Variants in MSRB3 observed in about 807,000 individuals in gnomAD.
MSRB3 encodes methionine-R-sulfoxide reductase B3.
Under a neutral mutation model 21.0 loss-of-function variants are expected in MSRB3, and 13 were observed. The observed-to-expected ratio is 0.62, with a 90% CI of 0.40 to 0.98. The LOEUF is 0.98. Ranked by LOEUF, MSRB3 falls within the 50% of genes least tolerant of loss-of-function variation. The probability of loss-of-function intolerance (pLI) is 0.00; values close to 1 mark genes in which losing one functional copy is unlikely to be tolerated. For missense variants in MSRB3, 199 were observed against 230.3 expected, an observed-to-expected ratio of 0.86 and a Z score of 0.88; for synonymous variants, 87 against 88.6, an observed-to-expected ratio of 0.98 and a Z score of 0.10.
intron 1 of MSRB3, among the ~76,000 whole-genome samples, chr12:65,280,366 A>G (rs1007331374): frequency 5.3e-5 from 8 of 152,190 alleles, no homozygotes; most frequent in Non-Finnish European, 8.8e-5. Flanking sequence ...ACATTTTTCA[A>G]TGGATTTCTA....
At position 65,357,159 on chromosome 12, in the gene MSRB3, G is replaced by A. The variant is rs556394311; in HGVS notation, c.264-11839G>A. Among the ~76,000 whole-genome samples, 13 of 151,756 alleles carry A rather than the reference G, an allele frequency of 8.6e-5. No individual in the cohort carries two copies. The South Asian group carries it at 1.7e-3, about 19-fold the overall frequency. On this transcript the variant is annotated intron_variant, in intron 4 of 6. Transcript: ENST00000308259. ...ACTACTCATTATCCACCCAGTTACC[G>A]GAGCAAAAAGCCTAGCAGTCATCTT...
In MSRB3 at chr12:65,368,962, GT is replaced by G. The variant is rs1441885071; in HGVS notation, c.264-31del. The G allele has an allele frequency of 4.0e-6, 4 of 1,005,590 alleles. No homozygotes were observed. In the East Asian group the frequency reaches 1.1e-4, roughly 28 times the overall value. The allele number at this position is 1,005,590 out of a possible 1,614,324, so 62.3% of individuals were successfully genotyped here. A position where few individuals can be genotyped will look rare whatever the true frequency, so the allele number is the denominator to read the frequency against. ...TGAAATAATTGTTCTTTTACAAACA[GT>G]TTTTATATTGTAAAAACTTTCTTTC... On this transcript the variant is annotated intron_variant, in intron 4 of 6. Coordinates refer to ENST00000308259, the MANE Select transcript of MSRB3 (RefSeq NM_001031679.3).
chr12:65,349,269 T>C (rs1876762687), intron 4 of MSRB3, among the ~76,000 whole-genome samples: 1 of 152,034 alleles, frequency 6.6e-6, no homozygotes, highest in Admixed American at 6.6e-5. Flanking sequence ...TAGTATTCCA[T>C]GGTGTATATG....
chr12:65,314,421 A>G (rs1170681426), intron 2 of MSRB3, among the ~76,000 whole-genome samples: 1 of 152,142 alleles, frequency 6.6e-6, no homozygotes, highest in East Asian at 1.9e-4. Context: ...TATATTTAAA[A>G]TGTTGATTAA....
In MSRB3 at chr12:65,366,694, A is replaced by G. The variant is rs1417098072; in HGVS notation, c.264-2304A>G. On this transcript the variant is annotated intron_variant, in intron 4 of 6. Coordinates refer to ENST00000308259, the MANE Select transcript of MSRB3 (RefSeq NM_001031679.3). Reference sequence around the variant, plus strand: ...CATCATTTTTGATGAGTGCCATTTAAGGCCACAGTGTGACATTCAGGTAGT... The same window carrying G: ...CATCATTTTTGATGAGTGCCATTTAGGGCCACAGTGTGACATTCAGGTAGT... Among the ~76,000 whole-genome samples the G allele has an allele frequency of 6.6e-5, 10 of 152,232 alleles. 1 individual carries two copies. The highest frequency in any genetic ancestry group is 6.5e-4 in the Admixed American group (10 of 15,290).
chr12:65,352,166 A>G (rs1877050035), intron 4 of MSRB3, among the ~76,000 whole-genome samples: 1 of 152,230 alleles, frequency 6.6e-6, no homozygotes, highest in South Asian at 2.1e-4. Flanking sequence ...AATATATGCA[A>G]ATCAATAAAT....
intron 5 of MSRB3, among the ~76,000 whole-genome samples, chr12:65,381,791 A>G (rs571957161): frequency 5.3e-5 from 8 of 152,060 alleles, no homozygotes; most frequent in Admixed American, 3.3e-4. Context: ...AATTTTGAAT[A>G]TCTATGTTTT....
At chr12:65,433,041 C>A (rs1352227033) in intron 5 of MSRB3, among the ~76,000 whole-genome samples, 1 of 151,796 alleles carries the variant, frequency 6.6e-6, no homozygotes, top group African/African-American at 2.4e-5. Flanking sequence ...AAATGGTACA[C>A]TTAATGTGAA....
intron 5 of MSRB3, among the ~76,000 whole-genome samples, chr12:65,394,630 G>A (rs896591425): frequency 2.6e-5 from 4 of 152,136 alleles, no homozygotes; most frequent in Non-Finnish European, 2.9e-5. Flanking sequence ...TCCAGACAAC[G>A]ATCACAAGGA....
At chr12:65,356,474 T>C (rs1027503883) in intron 4 of MSRB3, among the ~76,000 whole-genome samples, 2 of 151,838 alleles carry the variant, frequency 1.3e-5, no homozygotes, top group African/African-American at 4.8e-5. Context: ...AAAAAAAATT[T>C]ATTCCCATAG....
chr12:65,434,305 C>A (rs895166697), intron 5 of MSRB3, among the ~76,000 whole-genome samples: 1 of 151,860 alleles, frequency 6.6e-6, no homozygotes, highest in Non-Finnish European at 1.5e-5. Flanking sequence ...GTGTCTGTCT[C>A]CTATAGGATT....
At chr12:65,340,781 C>T (rs906861184) in intron 4 of MSRB3, among the ~76,000 whole-genome samples, 14 of 151,370 alleles carry the variant, frequency 9.2e-5, no homozygotes, top group Non-Finnish European at 1.5e-5. Context: ...ACTATTTTAA[C>T]GTAAGAGAAT....
chr12:65,397,126 C>G (rs1879862602), intron 5 of MSRB3, among the ~76,000 whole-genome samples: 1 of 152,098 alleles, frequency 6.6e-6, no homozygotes, highest in African/African-American at 2.4e-5. Context: ...CCCTCTTATC[C>G]CTGATAATTT....
chr12:65,447,978 T>A (rs1882696261), intron 5 of MSRB3, among the ~76,000 whole-genome samples: 1 of 152,206 alleles, frequency 6.6e-6, no homozygotes, highest in Non-Finnish European at 1.5e-5. Flanking sequence ...CAAGTGTTGC[T>A]GTATAAAAAA....
intron 3 of MSRB3, among the ~76,000 whole-genome samples, chr12:65,327,472 G>A (rs1875125037): frequency 6.6e-6 from 1 of 152,174 alleles, no homozygotes; most frequent in Non-Finnish European, 1.5e-5. Context: ...CATGGCTTTG[G>A]TCCTTGGAAG....
rs1448070997 is a variant in MSRB3 at position 65,463,581 on chromosome 12, A to C, written c.*259A>C. Reference sequence around the variant, plus strand: ...TCACAAGCCACTTATACCCTTTGGCATTCTTTTCTTTGAGCACATGGCTTC... The same window carrying C: ...TCACAAGCCACTTATACCCTTTGGCCTTCTTTTCTTTGAGCACATGGCTTC... On this transcript the variant is annotated 3_prime_UTR_variant, in exon 7 of 7. Transcript: ENST00000308259. The C allele has an allele frequency of 2.2e-6, 1 of 452,404 alleles. No homozygotes were observed. The highest frequency in any genetic ancestry group is 4.0e-6 in the Non-Finnish European group (1 of 250,772). The allele number at this position is 452,404 out of a possible 1,614,324, so 28.0% of individuals were successfully genotyped here. A position where few individuals can be genotyped will look rare whatever the true frequency, so the allele number is the denominator to read the frequency against.
intron 1 of MSRB3, among the ~76,000 whole-genome samples, chr12:65,307,834 A>G (rs1046209714): frequency 2.0e-5 from 3 of 152,186 alleles, no homozygotes; most frequent in African/African-American, 7.2e-5. Flanking sequence ...ATGAAAATTC[A>G]TATTTGCCAT....
intron 4 of MSRB3, among the ~76,000 whole-genome samples, chr12:65,331,625 G>A (rs554680500): frequency 6.6e-6 from 1 of 152,216 alleles, no homozygotes; most frequent in East Asian, 1.9e-4. Context: ...CCATGTGAGC[G>A]GAGCGCCAGG....
At chr12:65,322,528 G>A (rs950533337) in intron 2 of MSRB3, among the ~76,000 whole-genome samples, 23 of 151,802 alleles carry the variant, frequency 1.5e-4, no homozygotes, top group African/African-American at 5.6e-4. Flanking sequence ...GGTGGTGGGC[G>A]TCTGTAATCC....
Sources: allele counts gnomAD v4.1 joint callset (sites outside exome capture counted in the v4.1 genomes callset), GRCh38; gene constraint gnomAD v4.1.1; transcripts MANE v1.5; gene names NCBI Gene and HGNC (gene_info 2026-07-23, HGNC 2026-07-21).